MYO10: variants seen among roughly 807,000 people sequenced by gnomAD.
MYO10 encodes unconventional myosin-X.
Under a neutral mutation model 257.3 loss-of-function variants are expected in MYO10, and 133 were observed. The ratio of observed to expected loss-of-function variants is 0.52; its 90% CI spans 0.45 to 0.60. MYO10 has a LOEUF of 0.60. Ranked by LOEUF, MYO10 falls within the 20% of genes least tolerant of loss-of-function variation. The probability of loss-of-function intolerance (pLI) is 0.00; values close to 1 mark genes in which losing one functional copy is unlikely to be tolerated. For missense variants in MYO10, 2,399 were observed against 2,635.7 expected, an observed-to-expected ratio of 0.91 and a Z score of 1.97; for synonymous variants, 1,104 against 1,028.6, an observed-to-expected ratio of 1.07 and a Z score of -1.40.
At chr5:16,682,722 GAA>G (rs1412110728) in intron 30 of MYO10, among the ~76,000 whole-genome samples, 1 of 151,448 alleles carries the variant, frequency 6.6e-6, no homozygotes, top group Non-Finnish European at 1.5e-5. Flanking sequence ...AAAAATTTAA[GAA>G]AAAGAGTAAC....
chr5:16,818,758 A>G (rs1742717809), intron 2 of MYO10, among the ~76,000 whole-genome samples: 1 of 152,102 alleles, frequency 6.6e-6, no homozygotes. Context: ...ATATTTCTAA[A>G]AGAAGCAATT....
intron 23 of MYO10, 32 bp from the exon 24 acceptor site, chr5:16,702,620 C>T: frequency 1.9e-6 from 3 of 1,553,082 alleles, no homozygotes; most frequent in Non-Finnish European, 2.6e-6. Context: ...TGAAAATCAA[C>T]AACAATAACC....
rs1746429763 is a variant in MYO10 at position 16,935,926 on chromosome 5, G to A, written c.-118C>T. The stretch of plus-strand genomic sequence containing the variant: ...GCCACTCCCGAGGACGCGCGCCCGC[G>A]GGGCTCCCCTGCTGCCATCGCCCGG... On this transcript the variant is annotated 5_prime_UTR_variant, in exon 1 of 41. Transcript: ENST00000513610. 1 of 1,272,684 alleles carries A rather than the reference G, an allele frequency of 7.9e-7. No individual in the cohort carries two copies. The highest frequency in any genetic ancestry group is 2.5e-5 in the East Asian group (1 of 39,394). 78.8% of individuals were successfully genotyped at this position (1,272,684 alleles called of 1,614,324 possible).
chr5:16,777,444 T>C (rs1044055900), intron 9 of MYO10, among the ~76,000 whole-genome samples: 21 of 152,252 alleles, frequency 1.4e-4, no homozygotes, highest in Non-Finnish European at 2.5e-4. Flanking sequence ...AAAAATATTC[T>C]GATTTCATTC....
intron 1 of MYO10, among the ~76,000 whole-genome samples, chr5:16,934,619 TAATTCCTTTCTAG>T (rs1250186822): frequency 6.6e-6 from 1 of 152,242 alleles, no homozygotes; most frequent in Non-Finnish European, 1.5e-5. Context: ...TATTGATGGA[TAATTCCTTTCTAG>T]TCTTCCTTCC....
intron 31 of MYO10, 137 bp from the exon 32 acceptor site, chr5:16,681,640 G>A (rs956444355): frequency 1.0e-5 from 11 of 1,073,284 alleles, no homozygotes; most frequent in East Asian, 2.4e-5. Context: ...ACCCCAACCC[G>A]ATGTAAATGG....
chr5:16,930,837 G>C (rs1746275042), intron 1 of MYO10, among the ~76,000 whole-genome samples: 1 of 152,208 alleles, frequency 6.6e-6, no homozygotes, highest in African/African-American at 2.4e-5. Context: ...TCTGCACTCA[G>C]CCTGGGGGCA....
chr5:16,757,642 G>A (rs958424869), intron 18 of MYO10, among the ~76,000 whole-genome samples: 4 of 152,072 alleles, frequency 2.6e-5, no homozygotes, highest in African/African-American at 9.7e-5. Flanking sequence ...CTGACTCAGA[G>A]AAAAAGTCTA....
intron 39 of MYO10, among the ~76,000 whole-genome samples, chr5:16,669,846 A>C (rs1187224471): frequency 1.3e-5 from 2 of 152,208 alleles, no homozygotes; most frequent in Non-Finnish European, 2.9e-5. Context: ...CTGCATAGTA[A>C]AGATTTTTAG....
At chr5:16,684,074 G>C (rs1348828575) in intron 29 of MYO10, 139 bp from the exon 30 acceptor site, 4 of 740,766 alleles carry the variant, frequency 5.4e-6, no homozygotes, top group Non-Finnish European at 9.2e-6. Flanking sequence ...AGTTATCTAT[G>C]AGACGACTCC....
At position 16,663,353 on chromosome 5, in the gene MYO10, T is replaced by C. The variant is rs1037300691; in HGVS notation, c.*3339A>G. The C allele has an allele frequency of 7.8e-6, 1 of 128,294 alleles. No homozygotes were observed. The highest frequency in any genetic ancestry group is 2.9e-5 in the African/African-American group (1 of 34,614). The allele number at this position is 128,294 out of a possible 1,614,324, so 7.9% of individuals were successfully genotyped here. On this transcript the variant is annotated 3_prime_UTR_variant, in exon 41 of 41. Coordinates refer to ENST00000513610, the MANE Select transcript of MYO10 (RefSeq NM_012334.3). ...GTTTTTTTTTTTTTTTTTTTTTTTT[T>C]TTTTTTTTTTTTTTACAAATCACCT...
chr5:16,843,939 C>T (rs1370302115), intron 2 of MYO10, among the ~76,000 whole-genome samples: 5 of 152,146 alleles, frequency 3.3e-5, no homozygotes, highest in Admixed American at 6.5e-5. Context: ...TATACAAGAA[C>T]TTCAAATACT....
intron 19 of MYO10, among the ~76,000 whole-genome samples, chr5:16,720,777 T>C (rs1347239482): frequency 2.0e-5 from 3 of 152,218 alleles, no homozygotes; most frequent in African/African-American, 7.2e-5. Context: ...TATTCTTTAA[T>C]GGCACCTGAC....
chr5:16,816,370 T>G (rs1233166776), intron 3 of MYO10, among the ~76,000 whole-genome samples: 1 of 151,018 alleles, frequency 6.6e-6, no homozygotes, highest in Non-Finnish European at 1.5e-5. Context: ...TACACTCTTT[T>G]TTTTTTTAAC....
At chr5:16,671,376 C>A in intron 38 of MYO10, 46 bp downstream of exon 38, 1 of 1,606,322 alleles carries the variant, frequency 6.2e-7, no homozygotes, top group Non-Finnish European at 8.5e-7. Flanking sequence ...ACAGGTTTCA[C>A]CCTTGCTTGC....
At chr5:16,897,925 T>A (rs1745260481) in intron 1 of MYO10, among the ~76,000 whole-genome samples, 1 of 152,230 alleles carries the variant, frequency 6.6e-6, no homozygotes, top group Non-Finnish European at 1.5e-5. Context: ...TCAAGAGTGT[T>A]ACTCAAACTC....
rs1381078369 is a variant in MYO10, at chr5:16,670,969, C to T, written c.5440G>A (p.Ala1814Thr). 6.2e-7 allele frequency: 1 copy of T among 1,608,076 alleles called. No homozygotes were observed. Among genetic ancestry groups the T allele is most frequent in the African/African-American group, 1.3e-5 (1 of 74,796 alleles). The change falls in exon 39 of 41, where the codon GCG becomes ACG. Residue 1814 changes from alanine (A) to threonine (T), a missense_variant. By Grantham distance (58) the Ala-to-Thr change is moderately conservative. This residue lies in a region of MYO10 where 1,820 missense variants were observed against 1,939.4 expected (regional missense o/e 0.94). Coordinates refer to ENST00000513610, the MANE Select transcript of MYO10 (RefSeq NM_012334.3). Reference protein sequence around the residue: ...FAFMFEQAHEAVIHGHHPAPE... With the variant: ...FAFMFEQAHETVIHGHHPAPE... ...GCTGGATGGTGGCCATGGATAACCG[C>T]TTCGTGGGCCTGAAAGGAGACAGTC...
intron 1 of MYO10, among the ~76,000 whole-genome samples, chr5:16,905,760 A>T (rs1025940242): frequency 1.3e-5 from 2 of 152,204 alleles, no homozygotes; most frequent in Non-Finnish European, 2.9e-5. Flanking sequence ...CACCAGTAAA[A>T]GTAAGAAATT....
In MYO10 at chr5:16,685,793, G is replaced by T; in HGVS notation, c.3935C>A (p.Thr1312Lys). ...ATGCATCTCCTGGATCTCCTGGTCC[G>T]TGGACGCGTGGACCTGACTCAGCAC... is the stretch of plus-strand genomic sequence containing the variant. ...FSVLSQVHAS[T>K]DQEIQEMHDE... Residue 1312 changes from threonine (T) to lysine (K), a missense_variant, in exon 29 of 41, where the codon ACG becomes AAG. By Grantham distance (78) the Thr-to-Lys change is moderately conservative. Transcript: ENST00000513610. The T allele has an allele frequency of 6.3e-7, 1 of 1,587,572 alleles. No individual in the cohort carries two copies.
Sources: gnomAD v4.1 joint callset for allele counts (sites outside exome capture counted in the v4.1 genomes callset) on GRCh38, gnomAD v4.1.1 for gene constraint, gnomAD v4.1.1 regional missense constraint, MANE v1.5 for transcripts, NCBI Gene and HGNC (gene_info 2026-07-23, HGNC 2026-07-21) for gene names.